KANSL1: variants seen among roughly 807,000 people sequenced by gnomAD.
KANSL1 encodes MLL1/MLL complex subunit KANSL1.
A neutral mutation model predicts 103.6 loss-of-function variants in KANSL1; 22 were observed. That is an observed-to-expected ratio of 0.21 (90% CI 0.15 to 0.30). The LOEUF (loss-of-function observed/expected upper bound fraction) is 0.30. Among genes scored for constraint, KANSL1 ranks in the 10% least tolerant of loss-of-function variants. KANSL1 has a pLI of 1.00. For missense variants in KANSL1, 1,337 were observed against 1,399.8 expected (o/e 0.96, Z 0.72); for synonymous variants, 600 against 527.6 (o/e 1.14, Z -1.88).
At chr17:46,107,678 C>T (rs538966366) in intron 2 of KANSL1, among the ~76,000 whole-genome samples, 2 of 152,268 alleles carry the variant, frequency 1.3e-5, no homozygotes, top group African/African-American at 4.8e-5. Context: ...TGAAATCGCT[C>T]CCCTCAACTC....
At chr17:46,100,627 C>A (rs17660464) in intron 2 of KANSL1, among the ~76,000 whole-genome samples, 21,606 of 151,836 alleles carry the variant, frequency 0.14, 2,117 homozygotes, top group Non-Finnish European at 0.22. Context: ...TAGATCAACT[C>A]TTTTGTATTT....
intron 2 of KANSL1, among the ~76,000 whole-genome samples, chr17:46,139,801 A>C (rs2044330107): frequency 6.6e-6 from 1 of 152,216 alleles, no homozygotes; most frequent in Admixed American, 6.5e-5. Context: ...ACGAACTGAA[A>C]GCATTCTCAG....
intron 2 of KANSL1, among the ~76,000 whole-genome samples, chr17:46,162,985 C>A (rs1296464251): frequency 6.6e-6 from 1 of 152,210 alleles, no homozygotes; most frequent in Non-Finnish European, 1.5e-5. Context: ...TCCTTCAGGT[C>A]TCAGCTTACA....
chr17:46,071,931 A>T (rs1117253), intron 4 of KANSL1, among the ~76,000 whole-genome samples: 1 of 151,824 alleles, frequency 6.6e-6, no homozygotes, highest in Non-Finnish European at 1.5e-5. Context: ...TATCTTTTGG[A>T]GTAATCTTAC....
At chr17:46,218,486 C>T (rs1042023785) in intron 1 of KANSL1, among the ~76,000 whole-genome samples, 2 of 152,200 alleles carry the variant, frequency 1.3e-5, no homozygotes, top group African/African-American at 2.4e-5. Context: ...CTATTATTAA[C>T]AGTAATTACA....
At chr17:46,036,783 G>C (rs563927287) in intron 10 of KANSL1, among the ~76,000 whole-genome samples, 2 of 151,208 alleles carry the variant, frequency 1.3e-5, no homozygotes, top group East Asian at 3.9e-4. Context: ...GCAATGGCTT[G>C]ATCTCCGCTC....
intron 1 of KANSL1, among the ~76,000 whole-genome samples, chr17:46,208,832 G>A (rs2732666): frequency 0.15 from 21,466 of 142,090 alleles, 2,297 homozygotes; most frequent in Middle Eastern, 0.23. Context: ...CAGCCTGGGC[G>A]ACACAGCAAG....
chr17:46,137,019 CAT>C (rs374329343), intron 2 of KANSL1, among the ~76,000 whole-genome samples: 71 of 152,338 alleles, frequency 4.7e-4, no homozygotes, highest in African/African-American at 7.7e-4. Flanking sequence ...CTCTTGAACA[CAT>C]GTTTCTGCTG....
chr17:46,050,825 T>C (rs2077687012), intron 6 of KANSL1, 121 bp from the exon 7 acceptor site: 2 of 746,230 alleles, frequency 2.7e-6, no homozygotes, highest in Non-Finnish European at 4.3e-6. Flanking sequence ...AAGACCTTTC[T>C]AGATACTTGT....
At chr17:46,042,477 T>A (rs1184344564) in intron 7 of KANSL1, 1 of 152,146 alleles carries the variant, frequency 6.6e-6, no homozygotes, top group Non-Finnish European at 1.5e-5. Context: ...GGTTACATAG[T>A]TTAATGAGTA....
chr17:46,035,382 T>C (rs774178743), intron 10 of KANSL1: 15 of 152,216 alleles, frequency 9.9e-5, no homozygotes, highest in Non-Finnish European at 1.9e-4. Context: ...ATACCCTTTA[T>C]TCATCCTATC....
intron 2 of KANSL1, among the ~76,000 whole-genome samples, chr17:46,108,946 T>C (rs147175205): frequency 6.6e-6 from 1 of 152,258 alleles, no homozygotes; most frequent in African/African-American, 2.4e-5. Context: ...AACAAGATAT[T>C]TGAGAGCTCT....
rs370904425 is a variant in KANSL1 at position 46,031,530 on chromosome 17, G to A, written c.3264C>T (p.Leu1088=). 273 of 1,613,918 alleles carry A rather than the reference G, an allele frequency of 1.7e-4. No homozygotes were observed. Among genetic ancestry groups the A allele is most frequent in the Non-Finnish European group, 2.3e-4 (266 of 1,180,010 alleles). Residue 1088 remains leucine (L), a synonymous_variant, in exon 15 of 15, where the codon CTC becomes CTT. Transcript: ENST00000432791. The part of the protein sequence containing the change: ...AAPTSPPIVP[L]KSRHLVAAAT... ...CTGCTGCCACCAGATGCCGACTCTT[G>A]AGGGGGACAATGGGAGGCGAGGTGG...
At chr17:46,106,804 C>T (rs2042586480) in intron 2 of KANSL1, among the ~76,000 whole-genome samples, 3 of 147,218 alleles carry the variant, frequency 2.0e-5, no homozygotes, top group South Asian at 4.2e-4. Context: ...CTTACCAGTT[C>T]TTAAAAATAA....
chr17:46,070,837 T>C (rs540659243), intron 4 of KANSL1, among the ~76,000 whole-genome samples: 10 of 152,186 alleles, frequency 6.6e-5, no homozygotes, highest in Non-Finnish European at 1.2e-4. Flanking sequence ...GTACTACGTT[T>C]AAGTAACGGG....
At chr17:46,187,757 T>C (rs1597919613) in intron 1 of KANSL1, among the ~76,000 whole-genome samples, 1 of 152,252 alleles carries the variant, frequency 6.6e-6, no homozygotes, top group East Asian at 1.9e-4. Context: ...TCTACTCTAT[T>C]TAAAAGGTCT....
rs543930890 is a variant in KANSL1, at chr17:46,036,112, TCTCA to T, written c.2542-1831_2542-1828del. Among the ~76,000 whole-genome samples the T allele has an allele frequency of 2.4e-3, 368 of 152,100 alleles. 2 individuals are homozygous for T. The highest frequency in any genetic ancestry group is 0.024 in the Middle Eastern group (7 of 294). ...TTGTTTGTTTGTTTAAGAGATGAGG[TCTCA>T]CTATGTTGTCCAGGCTGGACTCAAT... On this transcript the variant is annotated intron_variant, in intron 10 of 14. Transcript: ENST00000432791.
intron 2 of KANSL1, among the ~76,000 whole-genome samples, chr17:46,100,295 G>C (rs561504867): frequency 2.6e-5 from 4 of 152,200 alleles, no homozygotes; most frequent in Admixed American, 1.3e-4. Context: ...AAATTATCCA[G>C]ACGTAGTCGC....
At position 46,171,133 on chromosome 17, in the gene KANSL1, G is replaced by C. The variant is rs2240758; in HGVS notation, c.1011C>G (p.Ser337=). ...KTLSKLPNLE[S]LRPRSQLMLT... is the part of the protein sequence containing the mutation. ...GCATCAACTGGCTCCGTGGTCTCAAGGATTCCAAGTTTGGCAGTTTGCTCA... is the reference window on the plus strand; with the variant it reads ...GCATCAACTGGCTCCGTGGTCTCAACGATTCCAAGTTTGGCAGTTTGCTCA... Residue 337 remains serine (S), a synonymous_variant, in exon 2 of 15, where the codon TCC becomes TCG. Transcript: ENST00000432791. 0.19 allele frequency: 304,120 copies of C among 1,611,166 alleles called. 33,263 individuals are homozygous for C. The highest frequency in any genetic ancestry group is 0.45 in the East Asian group (20,400 of 44,846).
Sources: gnomAD v4.1 joint callset for allele counts (sites outside exome capture counted in the v4.1 genomes callset) on GRCh38, gnomAD v4.1.1 for gene constraint, MANE v1.5 for transcripts, NCBI Gene and HGNC (gene_info 2026-07-23, HGNC 2026-07-21) for gene names.